ATP10D: variants seen among roughly 807,000 people sequenced by gnomAD.
The protein encoded by ATP10D is phospholipid-transporting ATPase VD.
ATP10D carries 89 observed loss-of-function variants against 144.8 expected under a neutral mutation model. The ratio of observed to expected loss-of-function variants is 0.61; its 90% confidence interval spans 0.52 to 0.73. The LOEUF is 0.73. Among genes scored for constraint, ATP10D ranks in the 30% least tolerant of loss-of-function variants. The pLI is 0.00. For synonymous variants in ATP10D, 571 were observed against 615.1 expected (o/e 0.93, Z 1.06); for missense variants, 1,603 against 1,714.8 (o/e 0.93, Z 1.15).
chr4:47,543,506 A>T (rs919857935), intron 9 of ATP10D, among the ~76,000 whole-genome samples: 1 of 152,182 alleles, frequency 6.6e-6, no homozygotes, highest in African/African-American at 2.4e-5. Flanking sequence ...CCAGCAGCAC[A>T]CTTCACCCAG....
chr4:47,567,140 T>G (rs764325493), intron 15 of ATP10D, among the ~76,000 whole-genome samples: 25 of 152,244 alleles, frequency 1.6e-4, no homozygotes, highest in Non-Finnish European at 2.9e-4. Context: ...TAAATGTCAC[T>G]CTATGCATGT....
intron 1 of ATP10D, chr4:47,491,454 T>C (rs1248427945): frequency 1.1e-5 from 8 of 700,436 alleles, no homozygotes; most frequent in Non-Finnish European, 1.8e-5. Context: ...TCCCTTTGTG[T>C]TTGTCATTTT....
At chr4:47,517,970 T>C (rs1716770741) in intron 3 of ATP10D, among the ~76,000 whole-genome samples, 1 of 152,192 alleles carries the variant, frequency 6.6e-6, no homozygotes, top group Admixed American at 6.5e-5. Context: ...TAATTTGCTT[T>C]TGTTTGGTAT....
Position 47,546,628 on chromosome 4 carries a change from G to A in ATP10D, c.1401G>A (p.Arg467=), listed in dbSNP as rs139734817. 6 of 1,613,742 alleles carry A rather than the reference G, an allele frequency of 3.7e-6. No homozygotes were observed. In the African/African-American group the frequency reaches 5.3e-5, roughly 14 times the overall value. ...AGTGTGCTTTTTATCCCACAGCCAG[G>A]AGGTTGGAGTCCTATCAGGAAGCTG... ...GFDYCHEENA[R]RLESYQEAVS... is the part of the protein sequence containing the mutation. The change falls in exon 10 of 23, where the codon AGG becomes AGA. Residue 467 remains arginine (R), a synonymous_variant. Coordinates refer to ENST00000273859, the MANE Select transcript of ATP10D (RefSeq NM_020453.4).
intron 14 of ATP10D, among the ~76,000 whole-genome samples, chr4:47,562,835 A>ATG (rs796089813): frequency 8.9e-4 from 135 of 151,902 alleles, no homozygotes; most frequent in African/African-American, 3.1e-3. Flanking sequence ...GTGATATAAT[A>ATG]TATATATATA....
Position 47,535,898 on chromosome 4 carries a change from A to G in ATP10D, c.884-4A>G, listed in dbSNP as rs1267007189. 2 of 1,610,078 alleles carry G rather than the reference A, an allele frequency of 1.2e-6. No homozygotes were observed. Among genetic ancestry groups the G allele is most frequent in the East Asian group, 2.2e-5 (1 of 44,836 alleles). Reference sequence around the variant, plus strand: ...TTTTCTATCATACTGCACATCCTTCATAGGCCATGAAACCAAAGCAATGCT... The same window carrying G: ...TTTTCTATCATACTGCACATCCTTCGTAGGCCATGAAACCAAAGCAATGCT... On this transcript the variant is annotated splice_polypyrimidine_tract_variant and splice_region_variant and intron_variant, in intron 6 of 22. Coordinates refer to ENST00000273859, the MANE Select transcript of ATP10D (RefSeq NM_020453.4).
chr4:47,580,447 A>G lies in ATP10D; in HGVS notation c.3617A>G (p.Gln1206Arg). The change falls in exon 20 of 23, where the codon CAA becomes CGA. Residue 1206 changes from glutamine to arginine, a missense_variant. Transcript: ENST00000273859. Reference sequence around the variant, plus strand: ...ATCACCTTATTGGATGCTTTTTATCAAAGCCTGGTCTGCTTCTTTGTGCCT... The same window carrying G: ...ATCACCTTATTGGATGCTTTTTATCGAAGCCTGGTCTGCTTCTTTGTGCCT... Reference protein sequence around the residue: ...FWITLLDAFYQSLVCFFVPYF... With the variant: ...FWITLLDAFYRSLVCFFVPYF... 6.2e-7 allele frequency: 1 copy of G among 1,613,712 alleles called. No homozygotes were observed. Among genetic ancestry groups the G allele is most frequent in the East Asian group, 2.2e-5 (1 of 44,828 alleles).
intron 1 of ATP10D, among the ~76,000 whole-genome samples, chr4:47,486,020 T>C (rs972628822): frequency 1.3e-5 from 2 of 152,138 alleles, no homozygotes; most frequent in Non-Finnish European, 2.9e-5. Flanking sequence ...TTAAGGTTGA[T>C]TCCCTAAGGT....
chr4:47,569,552 A>G (rs2109461167), intron 16 of ATP10D, among the ~76,000 whole-genome samples: 1 of 152,290 alleles, frequency 6.6e-6, no homozygotes, highest in African/African-American at 2.4e-5. Context: ...TTTTTGTACC[A>G]GGCATTTTTC....
At chr4:47,581,646 G>C (rs1159475350) in intron 20 of ATP10D, among the ~76,000 whole-genome samples, 2 of 152,162 alleles carry the variant, frequency 1.3e-5, no homozygotes, top group Admixed American at 6.5e-5. Context: ...CTGCCTCAAA[G>C]ATTTGTAGCT....
chr4:47,499,646 C>T (rs1246445411), intron 1 of ATP10D, among the ~76,000 whole-genome samples: 1 of 152,144 alleles, frequency 6.6e-6, no homozygotes, highest in Non-Finnish European at 1.5e-5. Flanking sequence ...GTGCTGAATT[C>T]TCAGAGAAGA....
In ATP10D at chr4:47,536,508, A is replaced by G; in HGVS notation, c.1087A>G (p.Ile363Val). The G allele has an allele frequency of 1.2e-6, 2 of 1,613,720 alleles. No individual in the cohort carries two copies. The highest frequency in any genetic ancestry group is 2.2e-5 in the East Asian group (1 of 44,864). Residue 363 changes from isoleucine to valine, a missense_variant, in exon 8 of 23, where the codon ATA becomes GTA. Ile to Val is a conservative substitution (Grantham distance 29). Coordinates refer to ENST00000273859, the MANE Select transcript of ATP10D (RefSeq NM_020453.4). ...FNVPEPDGHI[I>V]SPLLAGFYMF... ...TGTTCCCGAGCCTGATGGACATATC[A>G]TATCACCACTGTTGGCAGGATTTTA...
Position 47,523,166 on chromosome 4 carries a change from G to A in ATP10D, c.640G>A (p.Gly214Arg). 1 of 1,614,056 alleles carries A rather than the reference G, an allele frequency of 6.2e-7. No individual in the cohort carries two copies. Among genetic ancestry groups the A allele is most frequent in the Non-Finnish European group, 8.5e-7 (1 of 1,179,994 alleles). Residue 214 changes from glycine (G) to arginine (R), a missense_variant, in exon 4 of 23, where the codon GGA (glycine) becomes AGA (arginine). Gly to Arg is a moderately radical substitution (Grantham distance 125). Coordinates refer to ENST00000273859, the MANE Select transcript of ATP10D (RefSeq NM_020453.4). ...TCACATTGAGACTTCTGGTCTTGAT[G>A]GAGAGAGCAATTTAAAACAGAGGCA... The part of the protein sequence containing the change: ...ICHIETSGLD[G>R]ESNLKQRQVV...
chr4:47,554,060 A>ACC (rs1236921115), intron 10 of ATP10D, among the ~76,000 whole-genome samples: 1 of 152,250 alleles, frequency 6.6e-6, no homozygotes, highest in East Asian at 1.9e-4. Flanking sequence ...CTCACGTGTG[A>ACC]GAAGCATTGT....
At chr4:47,522,952 A>C in intron 3 of ATP10D, 60 bp from the exon 4 acceptor site, 1 of 1,359,290 alleles carries the variant, frequency 7.4e-7, no homozygotes, top group Non-Finnish European at 1.0e-6. Flanking sequence ...TTTAAAAAAA[A>C]CATTGTATGT....
chr4:47,493,752 G>A (rs942968519), intron 1 of ATP10D, among the ~76,000 whole-genome samples: 4 of 152,186 alleles, frequency 2.6e-5, no homozygotes, highest in South Asian at 2.1e-4. Flanking sequence ...TCAGGCCACT[G>A]CAGAGCTACT....
chr4:47,549,701 T>C (rs1456661581), intron 10 of ATP10D, among the ~76,000 whole-genome samples: 1 of 152,150 alleles, frequency 6.6e-6, no homozygotes, highest in African/African-American at 2.4e-5. Context: ...ATCCAAAGTA[T>C]AGTAAGGTCA....
At chr4:47,531,742 T>A (rs1343957424) in intron 5 of ATP10D, among the ~76,000 whole-genome samples, 5 of 152,276 alleles carry the variant, frequency 3.3e-5, no homozygotes, top group African/African-American at 1.2e-4. Flanking sequence ...CTCTTGTAAA[T>A]GTCAGAATCA....
intron 13 of ATP10D, among the ~76,000 whole-genome samples, chr4:47,560,034 C>T (rs1405966038): frequency 2.0e-5 from 3 of 151,756 alleles, no homozygotes; most frequent in Admixed American, 2.0e-4. Context: ...AAAAGCCTGC[C>T]CCACACACAG....
Sources: allele counts gnomAD v4.1 joint callset (sites outside exome capture counted in the v4.1 genomes callset), GRCh38; gene constraint gnomAD v4.1.1; transcripts MANE v1.5; gene names NCBI Gene and HGNC (gene_info 2026-07-23, HGNC 2026-07-21).